CDH13: variants seen among roughly 807,000 people sequenced by gnomAD.
CDH13 encodes cadherin-13.
In CDH13, 24 loss-of-function variants were observed where a neutral mutation model predicts 63.8. The observed-to-expected ratio is 0.38, with a 90% CI of 0.27 to 0.53. The LOEUF (loss-of-function observed/expected upper bound fraction) is 0.53, where lower values mean the gene tolerates loss of function less well. Among genes scored for constraint, CDH13 ranks in the 20% least tolerant of loss-of-function variants. The probability of loss-of-function intolerance (pLI) is 0.85; values close to 1 mark genes in which losing one functional copy is unlikely to be tolerated. For missense variants in CDH13, 1,049 were observed against 903.1 expected, an observed-to-expected ratio of 1.16 and a Z score of -2.07; for synonymous variants, 503 against 355.3, an observed-to-expected ratio of 1.42 and a Z score of -4.67.
chr16:83,239,484 C>T (rs1039743953), intron 5 of CDH13, among the ~76,000 whole-genome samples: 4 of 152,104 alleles, frequency 2.6e-5, no homozygotes, highest in African/African-American at 9.7e-5. Flanking sequence ...CTTACTTCGC[C>T]AGCCACCAAG....
intron 1 of CDH13, among the ~76,000 whole-genome samples, chr16:82,680,819 C>G: frequency 6.6e-6 from 1 of 152,160 alleles, no homozygotes; most frequent in South Asian, 2.1e-4. Context: ...CCAATGGAAC[C>G]AGGAGATAGA....
chr16:83,302,035 C>T (rs1184080943), intron 5 of CDH13, among the ~76,000 whole-genome samples: 1 of 151,574 alleles, frequency 6.6e-6, no homozygotes, highest in East Asian at 1.9e-4. Flanking sequence ...CTAGTCCATT[C>T]CTTACCTTTC....
intron 1 of CDH13, among the ~76,000 whole-genome samples, chr16:82,822,104 TGCCTCA>T (rs2038031085): frequency 6.6e-6 from 1 of 152,170 alleles, no homozygotes; most frequent in African/African-American, 2.4e-5. Context: ...GACAGACATT[TGCCTCA>T]CCCCACTGAA....
chr16:83,156,478 A>G (rs1021086875), intron 4 of CDH13, among the ~76,000 whole-genome samples: 1 of 152,180 alleles, frequency 6.6e-6, no homozygotes, highest in African/African-American at 2.4e-5. Context: ...GGTACAAAGC[A>G]TTTCCTTTAG....
At chr16:82,755,116 A>G (rs1021227851) in intron 1 of CDH13, among the ~76,000 whole-genome samples, 1 of 152,198 alleles carries the variant, frequency 6.6e-6, no homozygotes, top group Non-Finnish European at 1.5e-5. Context: ...CGACCTGATA[A>G]AATATATGCA....
intron 5 of CDH13, among the ~76,000 whole-genome samples, chr16:83,231,530 T>C (rs554769325): frequency 9.9e-5 from 15 of 152,258 alleles, no homozygotes; most frequent in African/African-American, 3.6e-4. Flanking sequence ...GTGAGCACCT[T>C]CAGGAAGAGC....
chr16:83,162,994 G>A (rs548001133), intron 4 of CDH13, among the ~76,000 whole-genome samples: 17 of 152,220 alleles, frequency 1.1e-4, no homozygotes, highest in Middle Eastern at 3.4e-3. Flanking sequence ...CCCATGTGTC[G>A]TAGGAGGAAC....
At chr16:83,199,985 G>A (rs1180396367) in intron 4 of CDH13, among the ~76,000 whole-genome samples, 2 of 152,180 alleles carry the variant, frequency 1.3e-5, no homozygotes, top group Non-Finnish European at 2.9e-5. Flanking sequence ...AAGGCACAGG[G>A]AATGAAGACG....
In CDH13 at chr16:82,750,105, T is replaced by A. The variant is rs894461208; in HGVS notation, c.46-108257T>A. On this transcript the variant is annotated intron_variant, in intron 1 of 13. Transcript: ENST00000567109. ...TCTCCTTCTAAACATCTGTGTGTGATTCCTGGAGGACATAAGTTGAGCGGG... is the reference window on the plus strand; with the variant it reads ...TCTCCTTCTAAACATCTGTGTGTGAATCCTGGAGGACATAAGTTGAGCGGG... Among the ~76,000 whole-genome samples, 6 of 152,162 alleles carry A rather than the reference T, an allele frequency of 3.9e-5. No individual in the cohort carries two copies. In the East Asian group the frequency reaches 1.2e-3, roughly 29 times the overall value.
At position 83,125,512 on chromosome 16, in the gene CDH13, C is replaced by T; in HGVS notation, c.483+11C>T. ...AGAGATGTTGGCAAGGTAAGTCAGACAAACAGCAAATGACAAAAACATGTT... is the reference window on the plus strand; with the variant it reads ...AGAGATGTTGGCAAGGTAAGTCAGATAAACAGCAAATGACAAAAACATGTT... On this transcript the variant is annotated intron_variant, in intron 4 of 13. Transcript: ENST00000567109. 2 of 1,381,922 alleles carry T rather than the reference C, an allele frequency of 1.4e-6. No homozygotes were observed. The highest frequency in any genetic ancestry group is 2.1e-6 in the Non-Finnish European group (2 of 969,312). 85.6% of individuals were successfully genotyped at this position (1,381,922 alleles called of 1,614,324 possible). A position where few individuals can be genotyped will look rare whatever the true frequency, so the allele number is the denominator to read the frequency against.
chr16:83,510,105 C>T (rs576102673), intron 7 of CDH13, among the ~76,000 whole-genome samples: 6 of 152,102 alleles, frequency 3.9e-5, no homozygotes, highest in African/African-American at 1.2e-4. Context: ...ATGGCTGAAA[C>T]GAGTCTGACG....
At chr16:83,505,298 A>T (rs114761465) in intron 7 of CDH13, among the ~76,000 whole-genome samples, 8 of 152,172 alleles carry the variant, frequency 5.3e-5, no homozygotes, top group African/African-American at 1.4e-4. Flanking sequence ...GGATAATTCA[A>T]TCTATCCTCA....
intron 5 of CDH13, among the ~76,000 whole-genome samples, chr16:83,271,391 C>G (rs577780177): frequency 8.5e-6 from 1 of 117,724 alleles, no homozygotes; most frequent in Admixed American, 1.1e-4. Flanking sequence ...GATCTAGACA[C>G]CAGCTCTACC....
intron 3 of CDH13, among the ~76,000 whole-genome samples, chr16:83,073,508 C>T (rs1046348491): frequency 1.3e-5 from 2 of 152,014 alleles, no homozygotes; most frequent in African/African-American, 2.4e-5. Context: ...GGCATTCACA[C>T]ACATGGCGAT....
intron 7 of CDH13, among the ~76,000 whole-genome samples, chr16:83,598,753 T>G (rs947709601): frequency 2.6e-5 from 4 of 152,084 alleles, no homozygotes; most frequent in Non-Finnish European, 5.9e-5. Flanking sequence ...AACAACAAAC[T>G]CCATCTCTAC....
Position 83,000,220 on chromosome 16 carries a change from C to CTTTTTTTTTTTTTTT in CDH13, c.158-31788_158-31787insTTTTTTTTTTTTTTT, listed in dbSNP as rs1567731430. ...TCCCTAGGAATATCCACAGGTTTAG[C>CTTTTTTTTTTTTTTT]TTATTTTTTTTTTTTTTTTTTTTTT... On this transcript the variant is annotated intron_variant, in intron 2 of 13. Transcript: ENST00000567109. Among the ~76,000 whole-genome samples, 2 of 33,948 alleles carry CTTTTTTTTTTTTTTT rather than the reference C, an allele frequency of 5.9e-5. 1 individual carries two copies. The highest frequency in any genetic ancestry group is 2.1e-4 in the African/African-American group (2 of 9,652). The allele number at this position is 33,948 out of a possible 152,430, so 22.3% of individuals were successfully genotyped here.
intron 2 of CDH13, among the ~76,000 whole-genome samples, chr16:82,910,883 C>G (rs993605872): frequency 2.0e-5 from 3 of 152,140 alleles, no homozygotes; most frequent in Non-Finnish European, 4.4e-5. Context: ...ACAGGCTTGC[C>G]AGTGGATGAG....
intron 5 of CDH13, among the ~76,000 whole-genome samples, chr16:83,319,964 G>A (rs1215015142): frequency 6.6e-6 from 1 of 152,156 alleles, no homozygotes; most frequent in Non-Finnish European, 1.5e-5. Flanking sequence ...GAAAAACGAG[G>A]TTCTAAGTAA....
chr16:83,554,615 C>G (rs550729332), intron 7 of CDH13, among the ~76,000 whole-genome samples: 14 of 152,022 alleles, frequency 9.2e-5, no homozygotes, highest in Admixed American at 4.6e-4. Flanking sequence ...TGCCTGATAA[C>G]AAAAACTGTC....
Sources: gnomAD v4.1 joint callset for allele counts (sites outside exome capture counted in the v4.1 genomes callset) on GRCh38, gnomAD v4.1.1 for gene constraint, MANE v1.5 for transcripts, NCBI Gene and HGNC (gene_info 2026-07-23, HGNC 2026-07-21) for gene names.